The following BCL2 variants were observed in gnomAD, a reference collection of about 807,000 sequenced individuals.
The protein encoded by BCL2 is BCL2 apoptosis regulator.
BCL2 carries 1 observed loss-of-function variant against 14.2 expected under a neutral mutation model. The ratio of observed to expected loss-of-function variants is 0.07; its 90% CI spans 0.02 to 0.33. The LOEUF (loss-of-function observed/expected upper bound fraction) is 0.33. Among genes scored for constraint, BCL2 ranks in the 10% least tolerant of loss-of-function variants. BCL2 has a pLI of 0.99. For synonymous variants in BCL2, 151 were observed against 137.2 expected, an observed-to-expected ratio of 1.10 and a Z score of -0.70; for missense variants, 247 against 305.9, an observed-to-expected ratio of 0.81 and a Z score of 1.44.
chr18:63,233,260 C>A (rs531099101), intron 2 of BCL2, among the ~76,000 whole-genome samples: 2 of 152,142 alleles, frequency 1.3e-5, no homozygotes, highest in African/African-American at 4.8e-5. Context: ...CAGTTTATAA[C>A]AATATAACAG....
At chr18:63,222,273 C>CAAAAAAAAAAAAA (rs35852603) in intron 2 of BCL2, among the ~76,000 whole-genome samples, 1 of 83,298 alleles carries the variant, frequency 1.2e-5, no homozygotes, top group African/African-American at 4.6e-5. Flanking sequence ...GACTCCACCT[C>CAAAAAAAAAAAAA]AAAAAAAAAA....
intron 2 of BCL2, among the ~76,000 whole-genome samples, chr18:63,231,658 G>GA (rs1391433333): frequency 2.7e-5 from 4 of 150,844 alleles, no homozygotes; most frequent in South Asian, 2.1e-4. Flanking sequence ...GGCCTATATG[G>GA]AAAAAAAAAT....
At chr18:63,264,970 C>T (rs983440190) in intron 2 of BCL2, among the ~76,000 whole-genome samples, 1 of 690 alleles carries the variant, frequency 1.4e-3, no homozygotes, top group African/African-American at 6.0e-3. Flanking sequence ...CACCGGTGAC[C>T]CATGGAAAGA....
chr18:63,178,605 C>T (rs1233293803), intron 2 of BCL2, among the ~76,000 whole-genome samples: 2 of 152,116 alleles, frequency 1.3e-5, no homozygotes, highest in Non-Finnish European at 2.9e-5. Flanking sequence ...AGAATTTTAT[C>T]CAAACAGCTG....
chr18:63,178,510 A>G (rs1483682515), intron 2 of BCL2, among the ~76,000 whole-genome samples: 2 of 152,194 alleles, frequency 1.3e-5, no homozygotes, highest in African/African-American at 2.4e-5. Context: ...CCTGCCTGAG[A>G]TCCTGGGAAA....
intron 2 of BCL2, among the ~76,000 whole-genome samples, chr18:63,256,957 G>C (rs1568249183): frequency 1.3e-5 from 2 of 152,144 alleles, no homozygotes; most frequent in African/African-American, 4.8e-5. Flanking sequence ...GGAAAAATGA[G>C]GGAAAGTAAT....
At chr18:63,181,455 C>T (rs928646313) in intron 2 of BCL2, among the ~76,000 whole-genome samples, 1 of 152,190 alleles carries the variant, frequency 6.6e-6, no homozygotes, top group Non-Finnish European at 1.5e-5. Flanking sequence ...CAAGCACTGG[C>T]CGTCAGAATC....
At chr18:63,246,629 C>T (rs1031976735) in intron 2 of BCL2, among the ~76,000 whole-genome samples, 3 of 152,134 alleles carry the variant, frequency 2.0e-5, no homozygotes, top group African/African-American at 4.8e-5. Flanking sequence ...GTGGGAGCTA[C>T]GATCCAAGAT....
chr18:63,244,342 C>A (rs1359807058), intron 2 of BCL2, among the ~76,000 whole-genome samples: 1 of 152,138 alleles, frequency 6.6e-6, no homozygotes, highest in African/African-American at 2.4e-5. Context: ...CGCGCCACTG[C>A]ACTCCAGCTT....
chr18:63,185,225 T>C (rs1915565332), intron 2 of BCL2, among the ~76,000 whole-genome samples: 1 of 152,138 alleles, frequency 6.6e-6, no homozygotes, highest in African/African-American at 2.4e-5. Flanking sequence ...AGGCCAGAAT[T>C]GGGTGGCATT....
At chr18:63,139,879 C>T (rs1228478222) in intron 2 of BCL2, among the ~76,000 whole-genome samples, 2 of 152,154 alleles carry the variant, frequency 1.3e-5, no homozygotes, top group Admixed American at 6.5e-5. Flanking sequence ...AAGTGACAAA[C>T]TTAACACTTT....
intron 2 of BCL2, among the ~76,000 whole-genome samples, chr18:63,247,480 GAGC>G (rs1429521720): frequency 6.6e-6 from 1 of 152,080 alleles, no homozygotes; most frequent in African/African-American, 2.4e-5. Flanking sequence ...TTACAAGTGT[GAGC>G]CACCGCGCCC....
intron 2 of BCL2, among the ~76,000 whole-genome samples, chr18:63,218,214 TTCTG>T (rs142405855): frequency 0.024 from 3,693 of 152,294 alleles, 62 homozygotes; most frequent in Non-Finnish European, 0.038. Context: ...CTCATGTCTT[TTCTG>T]TCTGACACCA....
chr18:63,307,369 C>T (rs1470042339), intron 2 of BCL2, among the ~76,000 whole-genome samples: 1 of 152,128 alleles, frequency 6.6e-6, no homozygotes, highest in Non-Finnish European at 1.5e-5. Context: ...TTAATTGAGC[C>T]AAATATTAAA....
At chr18:63,129,647 C>T (rs1404070462) in intron 2 of BCL2, among the ~76,000 whole-genome samples, 4 of 152,158 alleles carry the variant, frequency 2.6e-5, no homozygotes, top group East Asian at 3.8e-4. Flanking sequence ...AGCTGAGAAT[C>T]GCAGGGAATA....
At chr18:63,192,668 C>T (rs1967951594) in intron 2 of BCL2, among the ~76,000 whole-genome samples, 1 of 152,062 alleles carries the variant, frequency 6.6e-6, no homozygotes, top group Admixed American at 6.6e-5. Context: ...CAGGGGATAC[C>T]ACGGCCACAG....
intron 2 of BCL2, among the ~76,000 whole-genome samples, chr18:63,293,385 A>G (rs1912708805): frequency 6.6e-6 from 1 of 152,226 alleles, no homozygotes; most frequent in East Asian, 1.9e-4. Context: ...TCAGCATAGG[A>G]AAATCCCCAA....
intron 2 of BCL2, among the ~76,000 whole-genome samples, chr18:63,217,074 C>T (rs1262161306): frequency 1.3e-5 from 2 of 152,148 alleles, no homozygotes; most frequent in Non-Finnish European, 2.9e-5. Flanking sequence ...AGATTTTATG[C>T]TTTCTCTCTC....
At chr18:63,198,444 A>T (rs1487681074) in intron 2 of BCL2, among the ~76,000 whole-genome samples, 1 of 151,346 alleles carries the variant, frequency 6.6e-6, no homozygotes, top group East Asian at 1.9e-4. Flanking sequence ...ACACACTGAC[A>T]CACAGACACA....
Sources: gnomAD v4.1 joint callset for allele counts (sites outside exome capture counted in the v4.1 genomes callset) on GRCh38, gnomAD v4.1.1 for gene constraint, MANE v1.5 for transcripts, NCBI Gene and HGNC (gene_info 2026-07-23, HGNC 2026-07-21) for gene names.